Variants in PAPSS1 observed in about 807,000 individuals in gnomAD.
PAPSS1 encodes the protein bifunctional 3'-phosphoadenosine 5'-phosphosulfate synthase 1.
PAPSS1 carries 50 observed loss-of-function variants against 72.0 expected under a neutral mutation model. The observed-to-expected ratio is 0.69, with a 90% CI of 0.55 to 0.88. PAPSS1 has a LOEUF of 0.88. Ranked by LOEUF, PAPSS1 falls within the 40% of genes least tolerant of loss-of-function variation. PAPSS1 has a pLI of 0.00. For missense variants in PAPSS1, 657 were observed against 782.2 expected, an observed-to-expected ratio of 0.84 and a Z score of 1.91; for synonymous variants, 261 against 263.6, an observed-to-expected ratio of 0.99 and a Z score of 0.09.
rs552260693 is a variant in PAPSS1, at chr4:107,639,444, T to C, written c.1506+5358A>G. ...ACCTGATCAAAACTGAGGAAGTTTC[T>C]ACCAGCCTTTTTGCCGATCCTATTT... On this transcript the variant is annotated intron_variant, in intron 10 of 11. Coordinates refer to ENST00000265174, the MANE Select transcript of PAPSS1 (RefSeq NM_005443.5). 1.2e-3 allele frequency among the ~76,000 whole-genome samples: 181 copies of C among 152,322 alleles called. 1 individual carries two copies. The highest frequency in any genetic ancestry group is 3.3e-3 in the Admixed American group (50 of 15,306).
At chr4:107,652,128 A>G (rs1726856241) in intron 9 of PAPSS1, among the ~76,000 whole-genome samples, 1 of 152,088 alleles carries the variant, frequency 6.6e-6, no homozygotes. Flanking sequence ...CCAGCTATAT[A>G]CCCCAAAAAG....
chr4:107,656,851 T>C, intron 7 of PAPSS1, 45 bp downstream of exon 7: 1 of 1,297,978 alleles, frequency 7.7e-7, no homozygotes. Flanking sequence ...AACTATGTAA[T>C]TTCTCTTCCA....
chr4:107,675,897 C>T (rs1727629847), intron 5 of PAPSS1, among the ~76,000 whole-genome samples: 1 of 152,112 alleles, frequency 6.6e-6, no homozygotes, highest in South Asian at 2.1e-4. Flanking sequence ...AATCAATAAA[C>T]ATAATCCAGC....
At chr4:107,707,355 A>C (rs1723363671) in intron 1 of PAPSS1, among the ~76,000 whole-genome samples, 1 of 152,216 alleles carries the variant, frequency 6.6e-6, no homozygotes, top group Non-Finnish European at 1.5e-5. Context: ...CCTGGCCCTA[A>C]GACAAGTCTA....
chr4:107,660,416 C>G (rs750320079), intron 5 of PAPSS1, among the ~76,000 whole-genome samples: 42 of 152,106 alleles, frequency 2.8e-4, no homozygotes, highest in Non-Finnish European at 5.6e-4. Flanking sequence ...AACCATCATC[C>G]TTATTATCTT....
chr4:107,666,645 G>A (rs2110327077), intron 5 of PAPSS1, among the ~76,000 whole-genome samples: 1 of 152,172 alleles, frequency 6.6e-6, no homozygotes, highest in East Asian at 1.9e-4. Context: ...CATTTTTCTT[G>A]GACAATGAAA....
intron 2 of PAPSS1, among the ~76,000 whole-genome samples, chr4:107,696,837 T>G (rs1300319812): frequency 6.6e-6 from 1 of 152,180 alleles, no homozygotes; most frequent in Admixed American, 6.5e-5. Flanking sequence ...TGTAGCCAGC[T>G]GCATTTTCCA....
intron 1 of PAPSS1, among the ~76,000 whole-genome samples, chr4:107,707,294 C>G (rs1463898198): frequency 6.6e-6 from 1 of 152,194 alleles, no homozygotes; most frequent in African/African-American, 2.4e-5. Flanking sequence ...CTGCCTGTGA[C>G]AGCCAGCCTG....
chr4:107,670,404 A>G (rs1056127921), intron 5 of PAPSS1, among the ~76,000 whole-genome samples: 11 of 152,344 alleles, frequency 7.2e-5, no homozygotes, highest in Admixed American at 7.2e-4. Flanking sequence ...ATAGCACCAA[A>G]GAAAGAAAGA....
At chr4:107,694,315 A>G (rs532050725) in intron 2 of PAPSS1, 39 of 309,762 alleles carry the variant, frequency 1.3e-4, no homozygotes, top group Non-Finnish European at 2.2e-4. Context: ...AATTGCAATC[A>G]CAGGATTAAA....
intron 10 of PAPSS1, among the ~76,000 whole-genome samples, chr4:107,635,415 T>C (rs1726347622): frequency 6.6e-6 from 1 of 152,184 alleles, no homozygotes; most frequent in South Asian, 2.1e-4. Context: ...CTAAAAGAAT[T>C]AAAGAGAAAA....
At chr4:107,697,157 T>C (rs1334522047) in intron 2 of PAPSS1, among the ~76,000 whole-genome samples, 1 of 152,236 alleles carries the variant, frequency 6.6e-6, no homozygotes, top group East Asian at 1.9e-4. Context: ...AGCTCCCAGC[T>C]GACAACCAGC....
intron 3 of PAPSS1, among the ~76,000 whole-genome samples, chr4:107,690,998 CTCT>C (rs1722906535): frequency 6.6e-6 from 1 of 152,086 alleles, no homozygotes; most frequent in African/African-American, 2.4e-5. Context: ...GGAACTCTAA[CTCT>C]TATTATGCTC....
chr4:107,682,240 C>T (rs1396265750), intron 4 of PAPSS1, 107 bp from the exon 5 acceptor site: 8 of 539,824 alleles, frequency 1.5e-5, no homozygotes, highest in African/African-American at 3.9e-5. Context: ...GCGCTGTCCC[C>T]CAAGCCACAG....
chr4:107,677,370 G>C (rs1727682029), intron 5 of PAPSS1, among the ~76,000 whole-genome samples: 1 of 152,200 alleles, frequency 6.6e-6, no homozygotes, highest in Non-Finnish European at 1.5e-5. Flanking sequence ...CAAAAAGTGG[G>C]AGAAGGATAT....
Position 107,720,152 on chromosome 4 carries a change from T to C in PAPSS1, c.28A>G (p.Lys10Glu). ...TGCGCGTTATTGCTCAGTTTGACTT[T>C]CTTGCACAGGCTCCCGGGGATCTCC... MEIPGSLCK[K>E]VKLSNNAQNW... Residue 10 changes from lysine (K) to glutamate (E), a missense_variant, in exon 1 of 12, where the codon AAA becomes GAA. Physicochemically the swap from Lys to Glu is moderately conservative, Grantham distance 56. Coordinates refer to ENST00000265174, the MANE Select transcript of PAPSS1 (RefSeq NM_005443.5). 6.2e-7 allele frequency: 1 copy of C among 1,605,986 alleles called. No individual in the cohort carries two copies. The highest frequency in any genetic ancestry group is 8.5e-7 in the Non-Finnish European group (1 of 1,176,610).
chr4:107,640,637 C>T (rs1198602485), intron 10 of PAPSS1, among the ~76,000 whole-genome samples: 3 of 152,022 alleles, frequency 2.0e-5, no homozygotes, highest in African/African-American at 4.8e-5. Context: ...GTTAGGTCCT[C>T]GAGAAAGATA....
chr4:107,635,430 T>G (rs879849414), intron 10 of PAPSS1, among the ~76,000 whole-genome samples: 12 of 152,180 alleles, frequency 7.9e-5, no homozygotes, highest in Non-Finnish European at 1.8e-4. Flanking sequence ...AGAAAAATAT[T>G]TCCACAAATA....
At chr4:107,657,561 A>C (rs536505013) in intron 6 of PAPSS1, among the ~76,000 whole-genome samples, 22 of 152,178 alleles carry the variant, frequency 1.4e-4, no homozygotes, top group African/African-American at 5.1e-4. Context: ...GTCTCTACTA[A>C]AAATACAAAA....
Sources: gnomAD v4.1 joint callset for allele counts (sites outside exome capture counted in the v4.1 genomes callset) on GRCh38, gnomAD v4.1.1 for gene constraint, MANE v1.5 for transcripts, NCBI Gene and HGNC (gene_info 2026-07-23, HGNC 2026-07-21) for gene names.